Variants in GUCY1B1 observed in about 807,000 individuals in gnomAD.
The protein encoded by GUCY1B1 is guanylate cyclase soluble subunit beta-1.
In GUCY1B1, 43 loss-of-function variants were observed where a neutral mutation model predicts 71.0. The observed-to-expected ratio is 0.61, with a 90% confidence interval of 0.47 to 0.78. GUCY1B1 has a LOEUF of 0.78. Among genes scored for constraint, GUCY1B1 ranks in the 30% least tolerant of loss-of-function variants. The pLI, the probability that GUCY1B1 is intolerant of heterozygous loss-of-function variation, is 0.00. For missense variants in GUCY1B1, 535 were observed against 754.1 expected, an observed-to-expected ratio of 0.71 and a Z score of 3.40; for synonymous variants, 266 against 259.7, an observed-to-expected ratio of 1.02 and a Z score of -0.23.
intron 5 of GUCY1B1, among the ~76,000 whole-genome samples, chr4:155,791,170 A>T (rs1013592979): frequency 6.7e-6 from 1 of 150,238 alleles, no homozygotes; most frequent in Non-Finnish European, 1.5e-5. Context: ...GCTGGAGTGC[A>T]GTGGCGCGAT....
intron 4 of GUCY1B1, among the ~76,000 whole-genome samples, chr4:155,782,608 A>G (rs944067895): frequency 6.6e-6 from 1 of 152,172 alleles, no homozygotes; most frequent in Admixed American, 6.5e-5. Context: ...CCCATCTCAC[A>G]TGCATTTCTG....
chr4:155,779,460 T>C (rs1738272118), intron 4 of GUCY1B1, among the ~76,000 whole-genome samples: 1 of 152,148 alleles, frequency 6.6e-6, no homozygotes, highest in Non-Finnish European at 1.5e-5. Flanking sequence ...TTTGGATATA[T>C]TTGGTTATAT....
intron 5 of GUCY1B1, among the ~76,000 whole-genome samples, chr4:155,790,211 C>T (rs910869973): frequency 2.0e-5 from 3 of 152,204 alleles, no homozygotes; most frequent in South Asian, 2.1e-4. Context: ...GGATATGTGA[C>T]GACTGAGCTG....
intron 2 of GUCY1B1, among the ~76,000 whole-genome samples, chr4:155,771,216 C>T (rs1268151749): frequency 6.6e-6 from 1 of 152,166 alleles, no homozygotes; most frequent in Non-Finnish European, 1.5e-5. Context: ...ATTATTATTT[C>T]CTTCCATGTA....
At chr4:155,784,346 T>C (rs1251819232) in intron 4 of GUCY1B1, among the ~76,000 whole-genome samples, 1 of 152,182 alleles carries the variant, frequency 6.6e-6, no homozygotes. Flanking sequence ...CCTACTCCAA[T>C]CTCATGCTAT....
At chr4:155,783,074 T>C (rs1431095819) in intron 4 of GUCY1B1, among the ~76,000 whole-genome samples, 1 of 152,210 alleles carries the variant, frequency 6.6e-6, no homozygotes, top group Non-Finnish European at 1.5e-5. Context: ...TTATTAAAGT[T>C]GTTTGACATA....
At chr4:155,788,825 G>C (rs553558102) in intron 4 of GUCY1B1, among the ~76,000 whole-genome samples, 16 of 152,164 alleles carry the variant, frequency 1.1e-4, no homozygotes, top group Admixed American at 9.2e-4. Flanking sequence ...ATACCATGCT[G>C]TGCTGTGTGT....
At chr4:155,788,508 G>A (rs574315133) in intron 4 of GUCY1B1, among the ~76,000 whole-genome samples, 3 of 152,256 alleles carry the variant, frequency 2.0e-5, no homozygotes, top group Admixed American at 6.5e-5. Context: ...GGGCTCACCT[G>A]GATAATCCAG....
Position 155,807,564 on chromosome 4 carries a change from GTC to G in GUCY1B1, c.*1157_*1158del, listed in dbSNP as rs1338371284. 6.6e-6 allele frequency: 1 copy of G among 151,922 alleles called. No homozygotes were observed. Among genetic ancestry groups the G allele is most frequent in the East Asian group, 1.9e-4 (1 of 5,198 alleles). The allele number at this position is 151,922 out of a possible 1,614,324, so 9.4% of individuals were successfully genotyped here. On this transcript the variant is annotated 3_prime_UTR_variant, in exon 14 of 14. Coordinates refer to ENST00000264424, the MANE Select transcript of GUCY1B1 (RefSeq NM_000857.5). The stretch of plus-strand genomic sequence containing the variant: ...ATGTTCCATGTTAATGTGTAAAAGA[GTC>G]TGTAATAAATTATTTTTTTCACGTG...
intron 4 of GUCY1B1, among the ~76,000 whole-genome samples, chr4:155,788,866 C>T (rs1321839794): frequency 1.3e-5 from 2 of 152,168 alleles, no homozygotes; most frequent in Admixed American, 1.3e-4. Flanking sequence ...AGCACACACA[C>T]ACACACCCCA....
At chr4:155,801,942 T>C (rs561113450) in intron 9 of GUCY1B1, among the ~76,000 whole-genome samples, 108 of 152,328 alleles carry the variant, frequency 7.1e-4, no homozygotes, top group African/African-American at 2.3e-3. Flanking sequence ...GTTTCCATTA[T>C]TGTGCTATTC....
At chr4:155,773,363 AAAAG>A (rs1737821757) in intron 2 of GUCY1B1, among the ~76,000 whole-genome samples, 1 of 152,184 alleles carries the variant, frequency 6.6e-6, no homozygotes, top group African/African-American at 2.4e-5. Flanking sequence ...CTTGTTTGAG[AAAAG>A]TAATTCAAAT....
Position 155,759,052 on chromosome 4 carries a change from T to C in GUCY1B1, c.-89T>C. ...GCTCGATGCTGCCTCCCCGGCCCGG[T>C]TGCGCTGTAGCCGCTGCCGCCTCTG... On this transcript the variant is annotated 5_prime_UTR_variant, in exon 1 of 14. Coordinates refer to ENST00000264424, the MANE Select transcript of GUCY1B1 (RefSeq NM_000857.5). The C allele has an allele frequency of 7.2e-7, 1 of 1,383,978 alleles. No individual in the cohort carries two copies. Among genetic ancestry groups the C allele is most frequent in the Non-Finnish European group, 1.0e-6 (1 of 998,718 alleles). 85.7% of individuals were successfully genotyped at this position (1,383,978 alleles called of 1,614,324 possible). A position where few individuals can be genotyped will look rare whatever the true frequency, so the allele number is the denominator to read the frequency against.
At chr4:155,763,148 C>T (rs190061686) in intron 2 of GUCY1B1, among the ~76,000 whole-genome samples, 3 of 152,208 alleles carry the variant, frequency 2.0e-5, no homozygotes, top group South Asian at 2.1e-4. Context: ...CTCATCATTG[C>T]GTCAAATTAC....
chr4:155,789,672 C>T (rs367949923), intron 4 of GUCY1B1, 42 bp from the exon 5 acceptor site: 147 of 1,178,654 alleles, frequency 1.2e-4, no homozygotes, highest in East Asian at 8.2e-4. Flanking sequence ...GCTGTCATTG[C>T]GAAAGCATTG....
chr4:155,792,394 G>A (rs1215517243), intron 5 of GUCY1B1, among the ~76,000 whole-genome samples: 1 of 152,162 alleles, frequency 6.6e-6, no homozygotes, highest in Non-Finnish European at 1.5e-5. Context: ...TCAAAAGTAG[G>A]CCTGTCATTT....
chr4:155,798,327 G>A (rs1434602380), intron 8 of GUCY1B1, among the ~76,000 whole-genome samples: 1 of 152,136 alleles, frequency 6.6e-6, no homozygotes, highest in East Asian at 1.9e-4. Flanking sequence ...AGAACCACGA[G>A]ACCGTTATGA....
At chr4:155,800,168 A>G (rs1421755244) in intron 9 of GUCY1B1, 94 bp downstream of exon 9, 2 of 722,820 alleles carry the variant, frequency 2.8e-6, no homozygotes, top group Non-Finnish European at 4.5e-6. Flanking sequence ...AAGCCATGTG[A>G]CCTGTAATAG....
chr4:155,803,404 C>G (rs140330514), intron 10 of GUCY1B1, among the ~76,000 whole-genome samples: 140 of 152,162 alleles, frequency 9.2e-4, no homozygotes, highest in African/African-American at 3.3e-3. Flanking sequence ...TGTACCTGCC[C>G]GTCATCAAAG....
Sources: allele counts gnomAD v4.1 joint callset (sites outside exome capture counted in the v4.1 genomes callset), GRCh38; gene constraint gnomAD v4.1.1; transcripts MANE v1.5; gene names NCBI Gene and HGNC (gene_info 2026-07-23, HGNC 2026-07-21).